The following ALDOB variants were observed in gnomAD, a reference collection of about 807,000 sequenced individuals.
The protein encoded by ALDOB is aldolase, fructose-bisphosphate B.
ALDOB carries 39 observed loss-of-function variants against 41.0 expected under a neutral mutation model. The observed-to-expected ratio is 0.95, with a 90% CI of 0.74 to 1.24. The LOEUF is 1.24. Ranked by LOEUF, ALDOB falls within the 50% of genes most tolerant of loss-of-function variation. ALDOB has a pLI of 0.00. For missense variants in ALDOB, 530 were observed against 457.3 expected (o/e 1.16, Z -1.45); for synonymous variants, 175 against 168.8 (o/e 1.04, Z -0.28).
chr9:101,432,671 G>T (rs933630997), intron 1 of ALDOB, among the ~76,000 whole-genome samples: 9 of 152,162 alleles, frequency 5.9e-5, no homozygotes, highest in South Asian at 2.1e-4. Context: ...ATCCCAGAAG[G>T]TGGTTGGGCT....
rs760408092 is a variant in ALDOB at position 101,426,668 on chromosome 9, G to C, written c.541-30C>G. The stretch of plus-strand genomic sequence containing the variant: ...AAAGGAAAATCAAGGAAGCAAAAGT[G>C]AAGCTGTGCTCACTGTTATCCTTTC... On this transcript the variant is annotated intron_variant, in intron 5 of 8. Coordinates refer to ENST00000647789, the MANE Select transcript of ALDOB (RefSeq NM_000035.4). The C allele has an allele frequency of 6.6e-6, 9 of 1,355,572 alleles. No homozygotes were observed. In the East Asian group the frequency reaches 1.8e-4, roughly 28 times the overall value. 84.0% of individuals were successfully genotyped at this position (1,355,572 alleles called of 1,614,324 possible). A position where few individuals can be genotyped will look rare whatever the true frequency, so the allele number is the denominator to read the frequency against.
At chr9:101,428,625 A>C in intron 3 of ALDOB, 102 bp from the exon 4 acceptor site, 2 of 1,033,138 alleles carry the variant, frequency 1.9e-6, no homozygotes, top group Non-Finnish European at 3.1e-6. Context: ...AAGGAGTTGA[A>C]TTAGTAAAGT....
rs1831032517 is a variant in ALDOB at position 101,420,612 on chromosome 9, A to G, written c.*1197T>C. The G allele has an allele frequency of 6.6e-6, 1 of 152,120 alleles. No individual in the cohort carries two copies. Among genetic ancestry groups the G allele is most frequent in the African/African-American group, 2.4e-5 (1 of 41,424 alleles). The allele number at this position is 152,120 out of a possible 1,614,324, so 9.4% of individuals were successfully genotyped here. On this transcript the variant is annotated 3_prime_UTR_variant, in exon 9 of 9. Coordinates refer to ENST00000647789, the MANE Select transcript of ALDOB (RefSeq NM_000035.4). ...TTAATTTTAGATATATATTTTTATG[A>G]TTTACATCCATTTCTTTTATTACTT...
intron 5 of ALDOB, 30 bp from the exon 6 acceptor site, chr9:101,426,668 G>T: frequency 2.2e-6 from 3 of 1,355,690 alleles, no homozygotes; most frequent in Non-Finnish European, 2.1e-6. Context: ...AAGCAAAAGT[G>T]AAGCTGTGCT....
chr9:101,434,574 A>G (rs1477534886), intron 1 of ALDOB, among the ~76,000 whole-genome samples: 1 of 152,238 alleles, frequency 6.6e-6, no homozygotes, highest in Non-Finnish European at 1.5e-5. Flanking sequence ...CACTGCATGC[A>G]GCACTTTTGT....
intron 2 of ALDOB, 87 bp from the exon 3 acceptor site, chr9:101,430,053 A>C: frequency 8.5e-7 from 1 of 1,182,740 alleles, no homozygotes; most frequent in South Asian, 1.2e-5. Context: ...GACCCTCACC[A>C]CAGTGGAAAG....
At chr9:101,432,121 G>A (rs1831228416) in intron 1 of ALDOB, among the ~76,000 whole-genome samples, 1 of 152,210 alleles carries the variant, frequency 6.6e-6, no homozygotes, top group African/African-American at 2.4e-5. Context: ...CTTCAGGGTA[G>A]GCTGTCAGTA....
At chr9:101,430,669 T>C (rs1034540010) in intron 2 of ALDOB, 107 bp downstream of exon 2, 1 of 864,556 alleles carries the variant, frequency 1.2e-6, no homozygotes, top group Non-Finnish European at 1.9e-6. Context: ...CCCACTCCCG[T>C]GTACATAAAC....
In ALDOB at chr9:101,424,760, A is replaced by G. The variant is rs568398264; in HGVS notation, c.999+83T>C. On this transcript the variant is annotated intron_variant, in intron 8 of 8. Transcript: ENST00000647789. ...TATCGGTAGATACCTTCTTGGCCCA[A>G]AGAAAACAATGCTTCTCCGTGTTGG... The G allele has an allele frequency of 2.6e-6, 4 of 1,551,138 alleles. No individual in the cohort carries two copies. The African/African-American group carries it at 5.4e-5, about 21-fold the overall frequency.
At chr9:101,425,428 A>T (rs779686777) in intron 7 of ALDOB, 25 bp downstream of exon 7, 2 of 1,613,094 alleles carry the variant, frequency 1.2e-6, no homozygotes, top group Admixed American at 1.7e-5. Context: ...TAAGACCTTG[A>T]GTTAGAGAAG....
intron 1 of ALDOB, among the ~76,000 whole-genome samples, chr9:101,433,430 A>G (rs1157802719): frequency 6.6e-6 from 1 of 152,206 alleles, no homozygotes; most frequent in Non-Finnish European, 1.5e-5. Context: ...TCTGTTAATC[A>G]TAAAACAGGG....
intron 8 of ALDOB, 58 bp from the exon 9 acceptor site, chr9:101,421,962 C>G: frequency 7.1e-7 from 1 of 1,418,406 alleles, no homozygotes; most frequent in Non-Finnish European, 9.9e-7. Flanking sequence ...CCACCTTGAC[C>G]CTGTCTGCCT....
chr9:101,429,908 C>T lies in ALDOB; in HGVS notation c.171G>A (p.Arg57=), dbSNP rs1297759351. The T allele has an allele frequency of 4.3e-6, 7 of 1,614,094 alleles. No homozygotes were observed. The East Asian group carries it at 1.1e-4, about 26-fold the overall frequency. ...CAGAGAAGAGGATTTCTCGGAACTGCCGGCGGTTCTCTTCAGTGTTTTCCA... is the reference window on the plus strand; with the variant it reads ...CAGAGAAGAGGATTTCTCGGAACTGTCGGCGGTTCTCTTCAGTGTTTTCCA... ...IKVENTEENR[R]QFREILFSVD... The change falls in exon 3 of 9, where the codon CGG becomes CGA. Residue 57 remains arginine, a synonymous_variant. Coordinates refer to ENST00000647789, the MANE Select transcript of ALDOB (RefSeq NM_000035.4).
rs1831239164 is a variant in ALDOB at position 101,432,752 on chromosome 9, A to T, written c.-10-1855T>A. On this transcript the variant is annotated intron_variant, in intron 1 of 8. Coordinates refer to ENST00000647789, the MANE Select transcript of ALDOB (RefSeq NM_000035.4). ...GTAAATTATTTATCCAAGGACAAAT[A>T]GCTAATAAGGCATCAAGTTGAGATA... 2.0e-5 allele frequency among the ~76,000 whole-genome samples: 3 copies of T among 152,244 alleles called. No homozygotes were observed. In the South Asian group the frequency reaches 6.2e-4, roughly 32 times the overall value.
At chr9:101,432,828 A>G (rs1427830322) in intron 1 of ALDOB, among the ~76,000 whole-genome samples, 1 of 151,728 alleles carries the variant, frequency 6.6e-6, no homozygotes. Flanking sequence ...TGATGAAAAA[A>G]ATGGCCTTTG....
chr9:101,428,256 C>T (rs1054039532), intron 4 of ALDOB, among the ~76,000 whole-genome samples: 3 of 152,152 alleles, frequency 2.0e-5, no homozygotes, highest in African/African-American at 7.2e-5. Flanking sequence ...TGAGAAATCC[C>T]CATTTTGAGA....
intron 7 of ALDOB, 38 bp downstream of exon 7, chr9:101,425,415 G>A: frequency 6.2e-7 from 1 of 1,608,652 alleles, no homozygotes. Context: ...AAAGAATGAG[G>A]GCTAAGACCT....
Position 101,421,526 on chromosome 9 carries a change from A to G in ALDOB, c.*283T>C, listed in dbSNP as rs1381161095. ...GTTGTTCTTTGGATGAGGAGCCGAT[A>G]TTGTTTTAAAGCCTATTATTTTCTT... On this transcript the variant is annotated 3_prime_UTR_variant, in exon 9 of 9. Transcript: ENST00000647789. 2 of 469,900 alleles carry G rather than the reference A, an allele frequency of 4.3e-6. No homozygotes were observed. Among genetic ancestry groups the G allele is most frequent in the Non-Finnish European group, 7.8e-6 (2 of 255,798 alleles). 29.1% of individuals were successfully genotyped at this position (469,900 alleles called of 1,614,324 possible).
chr9:101,422,808 A>T (rs1261638666), intron 8 of ALDOB, among the ~76,000 whole-genome samples: 2 of 152,218 alleles, frequency 1.3e-5, no homozygotes, highest in Non-Finnish European at 2.9e-5. Context: ...TGGAGTGAAT[A>T]CCCTAATTAT....
Sources: gnomAD v4.1 joint callset for allele counts (sites outside exome capture counted in the v4.1 genomes callset) on GRCh38, gnomAD v4.1.1 for gene constraint, MANE v1.5 for transcripts, NCBI Gene and HGNC (gene_info 2026-07-23, HGNC 2026-07-21) for gene names.